The following THSD4 variants were observed in gnomAD, a reference collection of about 807,000 sequenced individuals.
THSD4 encodes thrombospondin type-1 domain-containing protein 4.
THSD4 carries 69 observed loss-of-function variants against 119.0 expected under a neutral mutation model. That is an observed-to-expected ratio of 0.58 (90% CI 0.48 to 0.71). The LOEUF is 0.71. Ranked by LOEUF, THSD4 falls within the 30% of genes least tolerant of loss-of-function variation. The probability of loss-of-function intolerance (pLI) is 0.00; values close to 1 mark genes in which losing one functional copy is unlikely to be tolerated. For missense variants in THSD4, 1,393 were observed against 1,391.1 expected, an observed-to-expected ratio of 1.00 and a Z score of -0.02; for synonymous variants, 524 against 540.4, an observed-to-expected ratio of 0.97 and a Z score of 0.42.
At chr15:71,707,609 G>T (rs771642098) in intron 8 of THSD4, among the ~76,000 whole-genome samples, 3 of 152,060 alleles carry the variant, frequency 2.0e-5, no homozygotes, top group Non-Finnish European at 2.9e-5. Context: ...CCACAGTTTT[G>T]ATTTTTACCC....
At position 71,777,837 on chromosome 15, in the gene THSD4, A is replaced by G. The variant is rs1229135907; in HGVS notation, c.*463A>G. The G allele has an allele frequency of 5.5e-6, 1 of 181,926 alleles. No individual in the cohort carries two copies. The highest frequency in any genetic ancestry group is 1.2e-5 in the Non-Finnish European group (1 of 84,144). The allele number at this position is 181,926 out of a possible 1,614,324, so 11.3% of individuals were successfully genotyped here. On this transcript the variant is annotated 3_prime_UTR_variant, in exon 18 of 18. Coordinates refer to ENST00000261862, the MANE Select transcript of THSD4 (RefSeq NM_024817.3). ...CACTAAGCCTTGCTGACACGCGTGC[A>G]TCCCTCTGTGACCTCAGCCCAGATG...
At chr15:71,629,384 G>A (rs546253134) in intron 7 of THSD4, among the ~76,000 whole-genome samples, 2 of 152,320 alleles carry the variant, frequency 1.3e-5, no homozygotes, top group South Asian at 4.1e-4. Flanking sequence ...ATCAAGCACT[G>A]TTGAGAGACC....
chr15:71,727,880 A>G (rs369048771), intron 8 of THSD4, among the ~76,000 whole-genome samples: 1 of 151,950 alleles, frequency 6.6e-6, no homozygotes, highest in South Asian at 2.1e-4. Flanking sequence ...AGGGGTAATA[A>G]ACTGAGACTT....
At chr15:71,125,291 A>G (rs979596590) in intron 1 of THSD4, among the ~76,000 whole-genome samples, 1 of 152,154 alleles carries the variant, frequency 6.6e-6, no homozygotes, top group Non-Finnish European at 1.5e-5. Flanking sequence ...TCTAGCTGGA[A>G]TTTTTTTATT....
chr15:71,605,709 C>G (rs1046058233), intron 7 of THSD4, among the ~76,000 whole-genome samples: 1 of 152,098 alleles, frequency 6.6e-6, no homozygotes, highest in African/African-American at 2.4e-5. Context: ...TTTTGGACAC[C>G]TAAGTAAAGA....
At chr15:71,627,894 A>G (rs569876576) in intron 7 of THSD4, among the ~76,000 whole-genome samples, 1 of 152,324 alleles carries the variant, frequency 6.6e-6, no homozygotes, top group South Asian at 2.1e-4. Context: ...GGGGGTTACC[A>G]GCAGACTATG....
chr15:71,618,722 T>A (rs967434563), intron 7 of THSD4, among the ~76,000 whole-genome samples: 3 of 151,818 alleles, frequency 2.0e-5, no homozygotes, highest in Non-Finnish European at 4.4e-5. Flanking sequence ...CACAGGTGCG[T>A]GTCACCACAC....
At position 71,765,164 on chromosome 15, in the gene THSD4, T is replaced by G. The variant is rs773022281; in HGVS notation, c.2734T>G (p.Cys912Gly). The G allele has an allele frequency of 6.2e-7, 1 of 1,614,200 alleles. No individual in the cohort carries two copies. The highest frequency in any genetic ancestry group is 1.1e-5 in the South Asian group (1 of 91,074). The change falls in exon 16 of 18, where the codon TGC (cysteine) becomes GGC (glycine). Residue 912 changes from cysteine to glycine, a missense_variant. Coordinates refer to ENST00000261862, the MANE Select transcript of THSD4 (RefSeq NM_024817.3). ...PSQQSCHLKP[C>G]GAKWFSTEWS... is the part of the protein sequence containing the mutation. ...CCAGCAATCCTGCCACCTCAAGCCT[T>G]GCGGAGCCAAATGGTTTAGCACCGA...
chr15:71,529,253 T>G (rs2048575017), intron 7 of THSD4, among the ~76,000 whole-genome samples: 2 of 152,236 alleles, frequency 1.3e-5, no homozygotes, highest in Non-Finnish European at 2.9e-5. Flanking sequence ...GCTCTTCATG[T>G]TAAGCCATGG....
intron 7 of THSD4, among the ~76,000 whole-genome samples, chr15:71,600,744 C>T (rs1200267190): frequency 0.016 from 2,320 of 144,612 alleles, 73 homozygotes; most frequent in African/African-American, 0.056. Flanking sequence ...TTTTTTCTTT[C>T]TTTCTTTTTT....
At chr15:71,324,447 TC>T (rs1371327387) in intron 6 of THSD4, among the ~76,000 whole-genome samples, 1 of 152,174 alleles carries the variant, frequency 6.6e-6, no homozygotes, top group Non-Finnish European at 1.5e-5. Context: ...CTTTTTTTCT[TC>T]CTTGCTCTCT....
intron 7 of THSD4, among the ~76,000 whole-genome samples, chr15:71,504,658 G>C (rs2048162029): frequency 6.6e-6 from 1 of 152,220 alleles, no homozygotes; most frequent in Admixed American, 6.5e-5. Context: ...AAAGATAGTA[G>C]AGAGAGTTCC....
intron 7 of THSD4, among the ~76,000 whole-genome samples, chr15:71,568,257 T>G (rs1255129448): frequency 6.6e-6 from 1 of 152,138 alleles, no homozygotes; most frequent in Admixed American, 6.5e-5. Flanking sequence ...ACATCAACCT[T>G]GCATTGAGAA....
At chr15:71,302,188 A>C (rs2044960029) in intron 6 of THSD4, among the ~76,000 whole-genome samples, 1 of 152,116 alleles carries the variant, frequency 6.6e-6, no homozygotes, top group Non-Finnish European at 1.5e-5. Flanking sequence ...TCCTTGTTTG[A>C]TCAGATTCCA....
intron 7 of THSD4, among the ~76,000 whole-genome samples, chr15:71,449,259 A>C (rs1337252137): frequency 6.6e-6 from 1 of 152,246 alleles, no homozygotes. Flanking sequence ...TCTTGTCGAC[A>C]TAAACACATA....
At chr15:71,293,339 G>A (rs1303254758) in intron 6 of THSD4, among the ~76,000 whole-genome samples, 1 of 152,180 alleles carries the variant, frequency 6.6e-6, no homozygotes, top group African/African-American at 2.4e-5. Context: ...TCTCCTGCCT[G>A]TGGAGGTGGA....
chr15:71,540,198 T>C (rs1424164331), intron 7 of THSD4, among the ~76,000 whole-genome samples: 5 of 147,912 alleles, frequency 3.4e-5, no homozygotes, highest in Admixed American at 1.4e-4. Flanking sequence ...AGTGCAGTGG[T>C]GTGATCTTGG....
At chr15:71,649,445 T>G (rs1287324413) in intron 7 of THSD4, among the ~76,000 whole-genome samples, 3 of 152,086 alleles carry the variant, frequency 2.0e-5, no homozygotes, top group African/African-American at 7.2e-5. Context: ...TGGCTAATTT[T>G]TGTATTTTTT....
chr15:71,752,314 C>T (rs2053462144), intron 14 of THSD4, among the ~76,000 whole-genome samples: 1 of 152,216 alleles, frequency 6.6e-6, no homozygotes, highest in African/African-American at 2.4e-5. Flanking sequence ...TTGCAGATTT[C>T]CCCTTAAAGT....
Sources: allele counts gnomAD v4.1 joint callset (sites outside exome capture counted in the v4.1 genomes callset), GRCh38; gene constraint gnomAD v4.1.1; transcripts MANE v1.5; gene names NCBI Gene and HGNC (gene_info 2026-07-23, HGNC 2026-07-21).